Variants in LRP1B observed in about 807,000 individuals in gnomAD.
LRP1B encodes the protein LDL receptor related protein 1B.
Under a neutral mutation model 556.6 loss-of-function variants are expected in LRP1B, and 217 were observed. That is an observed-to-expected ratio of 0.39 (90% CI 0.35 to 0.44). LRP1B has a LOEUF of 0.44. Among genes scored for constraint, LRP1B ranks in the 20% least tolerant of loss-of-function variants. The pLI is 1.00. For synonymous variants in LRP1B, 2,047 were observed against 1,865.8 expected (o/e 1.10, Z -2.50); for missense variants, 5,053 against 5,620.8 (o/e 0.90, Z 3.23).
intron 1 of LRP1B, among the ~76,000 whole-genome samples, chr2:141,941,612 A>G (rs1463463060): frequency 6.6e-6 from 1 of 152,206 alleles, no homozygotes; most frequent in African/African-American, 2.4e-5. Flanking sequence ...AGGCCCAGGT[A>G]TCAGGAGGTT....
chr2:140,293,016 T>G (rs1046434027), intron 84 of LRP1B, among the ~76,000 whole-genome samples: 2 of 152,192 alleles, frequency 1.3e-5, no homozygotes, highest in Non-Finnish European at 2.9e-5. Context: ...ACTTAATGTC[T>G]GTACTTACTG....
intron 1 of LRP1B, among the ~76,000 whole-genome samples, chr2:141,984,800 G>T (rs1254363735): frequency 6.6e-6 from 1 of 151,974 alleles, no homozygotes; most frequent in Non-Finnish European, 1.5e-5. Flanking sequence ...TAATTTATGG[G>T]TTTATAAGTA....
chr2:140,672,839 C>T (rs1685536784), intron 41 of LRP1B, among the ~76,000 whole-genome samples: 1 of 152,048 alleles, frequency 6.6e-6, no homozygotes, highest in Non-Finnish European at 1.5e-5. Context: ...AACAAGAGGC[C>T]CCTACACAGG....
At chr2:141,538,246 C>G (rs1033204323) in intron 2 of LRP1B, among the ~76,000 whole-genome samples, 3 of 151,982 alleles carry the variant, frequency 2.0e-5, no homozygotes, top group East Asian at 3.9e-4. Flanking sequence ...TGTTTAGTAT[C>G]AAACAGCACA....
chr2:140,681,979 A>G (rs1685875436), intron 41 of LRP1B, among the ~76,000 whole-genome samples: 1 of 152,228 alleles, frequency 6.6e-6, no homozygotes, highest in African/African-American at 2.4e-5. Context: ...GGATGTAACT[A>G]TATGCCACAT....
At chr2:140,322,185 GTTGAAAAGTAATCACA>G in intron 81 of LRP1B, 97 bp from the exon 82 acceptor site, 1 of 1,165,078 alleles carries the variant, frequency 8.6e-7, no homozygotes, top group Non-Finnish European at 1.2e-6. Context: ...AATTAGCAAT[GTTGAAAAGTAATCACA>G]TTAAATTTCC....
At chr2:141,878,225 C>T (rs932699881) in intron 1 of LRP1B, among the ~76,000 whole-genome samples, 1 of 151,814 alleles carries the variant, frequency 6.6e-6, no homozygotes, top group African/African-American at 2.4e-5. Flanking sequence ...CAGCCAGAAT[C>T]CTCACCACAG....
At chr2:141,642,884 T>C (rs1288344762) in intron 2 of LRP1B, among the ~76,000 whole-genome samples, 1 of 152,188 alleles carries the variant, frequency 6.6e-6, no homozygotes, top group African/African-American at 2.4e-5. Flanking sequence ...GAGTCAACTC[T>C]GGTTTATGCC....
intron 3 of LRP1B, among the ~76,000 whole-genome samples, chr2:141,343,643 G>A (rs1001621415): frequency 1.3e-5 from 2 of 152,146 alleles, no homozygotes; most frequent in African/African-American, 4.8e-5. Context: ...ATGATGCAAA[G>A]CACTTCTGAT....
At chr2:140,269,126 GT>G in intron 86 of LRP1B, 1 of 376,998 alleles carries the variant, frequency 2.7e-6, no homozygotes, top group Non-Finnish European at 5.4e-6. Flanking sequence ...TGAAGCAAAG[GT>G]TAAGTGTGTA....
intron 60 of LRP1B, among the ~76,000 whole-genome samples, chr2:140,461,081 A>G (rs566556390): frequency 3.3e-5 from 5 of 151,688 alleles, no homozygotes; most frequent in Admixed American, 6.6e-5. Flanking sequence ...AAAAAAAAAA[A>G]AAAGAAAGAA....
At position 141,926,686 on chromosome 2, in the gene LRP1B, T is replaced by C. The variant is rs115294353; in HGVS notation, c.83-116285A>G. 9.1e-3 allele frequency among the ~76,000 whole-genome samples: 1,381 copies of C among 152,266 alleles called. 9 individuals carry two copies. The highest frequency in any genetic ancestry group is 0.015 in the Non-Finnish European group (1,034 of 67,978). ...ATTGCTGTTTATTCTACAGACAATT[T>C]GAAAATAGGTAGGTAGTGGTGAGGC... is the stretch of plus-strand genomic sequence containing the variant. On this transcript the variant is annotated intron_variant, in intron 1 of 90. Coordinates refer to ENST00000389484, the MANE Select transcript of LRP1B (RefSeq NM_018557.3).
intron 1 of LRP1B, among the ~76,000 whole-genome samples, chr2:142,019,417 G>T (rs562407635): frequency 1.3e-5 from 2 of 152,038 alleles, no homozygotes; most frequent in Admixed American, 6.5e-5. Flanking sequence ...TCAGAAAATT[G>T]TGTGGGCCTT....
intron 14 of LRP1B, among the ~76,000 whole-genome samples, chr2:141,006,421 A>G (rs1697577015): frequency 1.3e-5 from 2 of 152,014 alleles, no homozygotes; most frequent in South Asian, 4.1e-4. Flanking sequence ...AACAATTGTA[A>G]AGGTGTCGGT....
In LRP1B at chr2:140,794,141, AG is replaced by A. The variant is rs1690216473; in HGVS notation, c.5360-17904del. On this transcript the variant is annotated intron_variant, in intron 32 of 90. Transcript: ENST00000389484. Reference sequence around the variant, plus strand: ...GGTCCTCATTGTATTTGGAATTTAAAGATAAATAGTCATCTTAACGATTTAA... The same window carrying A: ...GGTCCTCATTGTATTTGGAATTTAAAATAAATAGTCATCTTAACGATTTAA... Among the ~76,000 whole-genome samples the A allele has an allele frequency of 2.6e-5, 4 of 152,180 alleles. No individual in the cohort carries two copies. In the South Asian group the frequency reaches 8.3e-4, roughly 31 times the overall value.
chr2:141,195,154 A>G lies in LRP1B; in HGVS notation c.851-6571T>C, dbSNP rs1336332507. On this transcript the variant is annotated intron_variant, in intron 6 of 90. Transcript: ENST00000389484. ...AGGGTAAGTCACAAAAGGCATTGTA[A>G]CTTCCATTCGGTTCTCTCTCTCTTT... 3.9e-5 allele frequency among the ~76,000 whole-genome samples: 6 copies of G among 152,170 alleles called. No homozygotes were observed. The East Asian group carries it at 7.8e-4, about 20-fold the overall frequency.
intron 3 of LRP1B, among the ~76,000 whole-genome samples, chr2:141,314,857 C>CGT (rs1686951086): frequency 1.1e-5 from 1 of 88,440 alleles, no homozygotes; most frequent in African/African-American, 4.9e-5. Flanking sequence ...CATATATATA[C>CGT]ATATATATAC....
chr2:141,939,440 A>G (rs1700729027), intron 1 of LRP1B, among the ~76,000 whole-genome samples: 1 of 152,012 alleles, frequency 6.6e-6, no homozygotes, highest in South Asian at 2.1e-4. Flanking sequence ...TTGCAGAAAA[A>G]CTGGAAAAGG....
At chr2:140,544,951 G>T (rs947249584) in intron 43 of LRP1B, among the ~76,000 whole-genome samples, 1 of 151,932 alleles carries the variant, frequency 6.6e-6, no homozygotes, top group Non-Finnish European at 1.5e-5. Context: ...AACCTTGGCA[G>T]CATCTGTTAC....
Sources: allele counts gnomAD v4.1 joint callset (sites outside exome capture counted in the v4.1 genomes callset), GRCh38; gene constraint gnomAD v4.1.1; transcripts MANE v1.5; gene names NCBI Gene and HGNC (gene_info 2026-07-23, HGNC 2026-07-21).